TMX2: variants seen among roughly 807,000 people sequenced by gnomAD.
The protein encoded by TMX2 is thioredoxin-related transmembrane protein 2.
Under a neutral mutation model 33.4 loss-of-function variants are expected in TMX2, and 20 were observed. That is an observed-to-expected ratio of 0.60 (90% CI 0.42 to 0.87). TMX2 has a LOEUF of 0.87. Ranked by LOEUF, TMX2 falls within the 40% of genes least tolerant of loss-of-function variation. The probability of loss-of-function intolerance (pLI) is 0.00; values close to 1 mark genes in which losing one functional copy is unlikely to be tolerated. For synonymous variants in TMX2, 166 were observed against 140.7 expected (o/e 1.18, Z -1.27); for missense variants, 340 against 370.7 (o/e 0.92, Z 0.68).
chr11:57,732,869 C>T (rs1203088886), intron 1 of TMX2, among the ~76,000 whole-genome samples: 1 of 152,078 alleles, frequency 6.6e-6, no homozygotes, highest in Non-Finnish European at 1.5e-5. Flanking sequence ...GCTAATCATG[C>T]GGTGTCCTTA....
chr11:57,728,881 G>T (rs1482123635), intron 1 of TMX2, among the ~76,000 whole-genome samples: 3 of 152,028 alleles, frequency 2.0e-5, no homozygotes, highest in East Asian at 3.9e-4. Context: ...TCCCTTTAGG[G>T]ATTAATCCCC....
chr11:57,722,739 C>T (rs1947717306), intron 1 of TMX2, among the ~76,000 whole-genome samples: 1 of 152,078 alleles, frequency 6.6e-6, no homozygotes, highest in Non-Finnish European at 1.5e-5. Context: ...CATGTTTAAA[C>T]CCTCAAGTTT....
intron 1 of TMX2, among the ~76,000 whole-genome samples, chr11:57,722,071 C>T (rs1033118614): frequency 7.2e-5 from 11 of 152,294 alleles, no homozygotes; most frequent in African/African-American, 2.6e-4. Flanking sequence ...TCGCAGTTCA[C>T]TACAGCCTCA....
At chr11:57,714,701 T>C (rs1433177569) in intron 1 of TMX2, among the ~76,000 whole-genome samples, 1 of 152,160 alleles carries the variant, frequency 6.6e-6, no homozygotes, top group Non-Finnish European at 1.5e-5. Context: ...AAAGCCATCC[T>C]GCCACCTCAG....
intron 1 of TMX2, among the ~76,000 whole-genome samples, chr11:57,713,576 A>G (rs1002078170): frequency 6.6e-6 from 1 of 152,214 alleles, no homozygotes; most frequent in East Asian, 1.9e-4. Flanking sequence ...GGGGCCAAGG[A>G]AAAGCTTCCC....
chr11:57,716,785 G>T (rs1455050795), intron 1 of TMX2, among the ~76,000 whole-genome samples: 1 of 149,692 alleles, frequency 6.7e-6, no homozygotes, highest in African/African-American at 2.5e-5. Flanking sequence ...CAGTAGGGGC[G>T]GCTGGGCAGA....
chr11:57,723,090 G>A (rs1947742127), intron 1 of TMX2, among the ~76,000 whole-genome samples: 1 of 151,758 alleles, frequency 6.6e-6, no homozygotes, highest in Admixed American at 6.6e-5. Context: ...CACCCTGGAG[G>A]ATAGAGCAAG....
At position 57,726,393 on chromosome 11, in the gene TMX2, A is replaced by G. The variant is rs1022510121; in HGVS notation, c.190-11215A>G. ...ACGCCACTGCACTCTGGCCTGGGCGACAGAGCCAGACTCCATCTCCATAAA... is the reference window on the plus strand; with the variant it reads ...ACGCCACTGCACTCTGGCCTGGGCGGCAGAGCCAGACTCCATCTCCATAAA... On this transcript the variant is annotated intron_variant, in intron 1 of 7. Coordinates refer to ENST00000278422, the MANE Select transcript of TMX2 (RefSeq NM_015959.4). 2.0e-5 allele frequency among the ~76,000 whole-genome samples: 3 copies of G among 152,036 alleles called. 1 individual carries two copies. The South Asian group carries it at 6.2e-4, about 32-fold the overall frequency.
chr11:57,739,462 AAG>A (rs1456654856), intron 7 of TMX2, among the ~76,000 whole-genome samples: 1 of 152,202 alleles, frequency 6.6e-6, no homozygotes, highest in African/African-American at 2.4e-5. Context: ...ATCATTAGTT[AAG>A]ATTTGGTCTC....
At chr11:57,713,551 G>T (rs770717560) in intron 1 of TMX2, among the ~76,000 whole-genome samples, 4 of 152,178 alleles carry the variant, frequency 2.6e-5, no homozygotes, top group Non-Finnish European at 4.4e-5. Context: ...TTTCCCTTCT[G>T]CCATATAGCA....
rs757694034 is a variant in TMX2, at chr11:57,739,135, A to C, written c.619A>C (p.Lys207Gln). 1.9e-6 allele frequency: 3 copies of C among 1,614,174 alleles called. No individual in the cohort carries two copies. In the African/African-American group the frequency reaches 4.0e-5, roughly 22 times the overall value. The change falls in exon 7 of 8, where the codon AAA becomes CAA. Residue 207 changes from lysine to glutamine, a missense_variant. Coordinates refer to ENST00000278422, the MANE Select transcript of TMX2 (RefSeq NM_015959.4). ...AGAACTTTCTGGGCCCTGCAGGTAC[A>C]AAGTGAGCACATCACCCCTCACCAA... ...GRYTDVSTRY[K>Q]VSTSPLTKQL...
intron 1 of TMX2, among the ~76,000 whole-genome samples, chr11:57,731,626 CAG>C (rs1216871445): frequency 6.6e-6 from 1 of 152,024 alleles, no homozygotes; most frequent in African/African-American, 2.4e-5. Context: ...AAATATTTTA[CAG>C]AGTTTGACTC....
At chr11:57,732,515 A>T (rs542733542) in intron 1 of TMX2, among the ~76,000 whole-genome samples, 1 of 152,346 alleles carries the variant, frequency 6.6e-6, no homozygotes, top group African/African-American at 2.4e-5. Context: ...TAATAAGTAT[A>T]GGAGACCTTT....
chr11:57,714,577 A>G (rs1590893760), intron 1 of TMX2, among the ~76,000 whole-genome samples: 1 of 152,094 alleles, frequency 6.6e-6, no homozygotes, highest in Admixed American at 6.6e-5. Context: ...GCCTTAGGAA[A>G]AAGGCAGGGT....
At chr11:57,716,588 G>A (rs1338753088) in intron 1 of TMX2, among the ~76,000 whole-genome samples, 3 of 120,808 alleles carry the variant, frequency 2.5e-5, no homozygotes, top group Non-Finnish European at 1.7e-5. Flanking sequence ...CCTCCCTCCC[G>A]GACGGGGCGG....
At chr11:57,718,395 C>G in intron 1 of TMX2, 5 of 1,432,156 alleles carry the variant, frequency 3.5e-6, no homozygotes, top group Non-Finnish European at 4.9e-6. Flanking sequence ...CTCTTACAAC[C>G]AAATCCTTTT....
intron 2 of TMX2, 98 bp downstream of exon 2, chr11:57,737,766 G>C (rs776010463): frequency 6.3e-7 from 1 of 1,575,634 alleles, no homozygotes; most frequent in Non-Finnish European, 8.7e-7. Context: ...TGGTAAATTT[G>C]TCCTACGTTT....
At chr11:57,735,631 A>T (rs186950545) in intron 1 of TMX2, among the ~76,000 whole-genome samples, 1 of 152,296 alleles carries the variant, frequency 6.6e-6, no homozygotes, top group East Asian at 1.9e-4. Context: ...AGGAAACAGG[A>T]GTTTATGCTA....
chr11:57,716,571 G>A (rs1590903192), intron 1 of TMX2, among the ~76,000 whole-genome samples: 1 of 118,978 alleles, frequency 8.4e-6, no homozygotes, highest in South Asian at 2.8e-4. Flanking sequence ...GCGGGGGGCT[G>A]ACCCCACCTC....
Sources: allele counts gnomAD v4.1 joint callset (sites outside exome capture counted in the v4.1 genomes callset), GRCh38; gene constraint gnomAD v4.1.1; transcripts MANE v1.5; gene names NCBI Gene and HGNC (gene_info 2026-07-23, HGNC 2026-07-21).